CLVS1: variants seen among roughly 807,000 people sequenced by gnomAD.
CLVS1 encodes the protein clavesin 1.
Under a neutral mutation model 33.1 loss-of-function variants are expected in CLVS1, and 10 were observed. The observed-to-expected ratio is 0.30, with a 90% CI of 0.19 to 0.51. The LOEUF (loss-of-function observed/expected upper bound fraction) is 0.51. CLVS1 is among the 20% of genes least tolerant of loss of function. The pLI is 0.97. For missense variants in CLVS1, 343 were observed against 433.4 expected, an observed-to-expected ratio of 0.79 and a Z score of 1.85; for synonymous variants, 163 against 166.1, an observed-to-expected ratio of 0.98 and a Z score of 0.14.
Position 61,500,662 on chromosome 8 carries a change from A to G in CLVS1, c.*1120A>G, listed in dbSNP as rs1275708635. On this transcript the variant is annotated 3_prime_UTR_variant, in exon 6 of 6. Coordinates refer to ENST00000325897, the MANE Select transcript of CLVS1 (RefSeq NM_173519.3). ...AAAATAAACAGACATCATATATGAT[A>G]TCCTTACTTGTGCCATGTTTTCCAA... 6.6e-6 allele frequency: 1 copy of G among 152,190 alleles called. No homozygotes were observed. The highest frequency in any genetic ancestry group is 2.4e-5 in the African/African-American group (1 of 41,438). The allele number at this position is 152,190 out of a possible 1,614,324, so 9.4% of individuals were successfully genotyped here.
chr8:61,300,425 T>C, intron 2 of CLVS1, 143 bp downstream of exon 2: 1 of 707,588 alleles, frequency 1.4e-6, no homozygotes, highest in Non-Finnish European at 2.3e-6. Flanking sequence ...AGGCCACAGG[T>C]GTGCTGTCTT....
intron 2 of CLVS1, among the ~76,000 whole-genome samples, chr8:61,144,050 T>C (rs1462728101): frequency 6.9e-6 from 1 of 144,324 alleles, no homozygotes; most frequent in Non-Finnish European, 1.5e-5. Flanking sequence ...CTTTATTGTA[T>C]ATATATACAT....
At chr8:61,313,653 G>T (rs776087221) in intron 2 of CLVS1, among the ~76,000 whole-genome samples, 3 of 152,162 alleles carry the variant, frequency 2.0e-5, no homozygotes, top group Non-Finnish European at 4.4e-5. Context: ...TGAGTACAGT[G>T]CAGGGGGCAG....
chr8:61,132,085 T>C lies in CLVS1; in HGVS notation c.-152+225T>C, dbSNP rs188213131. 2.6e-4 allele frequency among the ~76,000 whole-genome samples: 39 copies of C among 152,328 alleles called. No individual in the cohort carries two copies. The East Asian group carries it at 7.1e-3, about 28-fold the overall frequency. On this transcript the variant is annotated intron_variant, in intron 2 of 2. Coordinates refer to the CLVS1 transcript ENST00000522621. ...GCCACGGTACATGGACACTCACACATAAAAGTCTTAAAGGCTGGTACCTCT... is the reference window on the plus strand; with the variant it reads ...GCCACGGTACATGGACACTCACACACAAAAGTCTTAAAGGCTGGTACCTCT...
At chr8:61,376,960 A>G in intron 3 of CLVS1, 181 bp downstream of exon 3, 1 of 520,002 alleles carries the variant, frequency 1.9e-6, no homozygotes, top group Non-Finnish European at 3.3e-6. Flanking sequence ...ATTAACTTTC[A>G]TTTTCATTAA....
intron 2 of CLVS1, among the ~76,000 whole-genome samples, chr8:61,360,617 T>C (rs1378918905): frequency 7.2e-5 from 11 of 152,224 alleles, no homozygotes; most frequent in African/African-American, 2.7e-4. Context: ...AAGAAGTTTC[T>C]GTTTTGTTAG....
chr8:61,114,583 A>T (rs1805684290), intron 1 of CLVS1, among the ~76,000 whole-genome samples: 2 of 152,142 alleles, frequency 1.3e-5, no homozygotes, highest in South Asian at 4.1e-4. Context: ...GCTACACTAC[A>T]TTTCTTCCCC....
chr8:61,213,986 C>T (rs780537085), intron 2 of CLVS1, among the ~76,000 whole-genome samples: 2 of 152,126 alleles, frequency 1.3e-5, no homozygotes, highest in Non-Finnish European at 2.9e-5. Context: ...CCCCCCCACT[C>T]AAGGTGTGCC....
rs574956617 is a variant in CLVS1 at position 61,187,599 on chromosome 8, A to G, written c.-152+55739A>G. ...AGTTTGACAGTTTGCCCAGAAGGCC[A>G]GGATTTTGAACCCTGCTTCTCTCCT... is the stretch of plus-strand genomic sequence containing the variant. On this transcript the variant is annotated intron_variant, in intron 2 of 2. Coordinates refer to the CLVS1 transcript ENST00000522621. Among the ~76,000 whole-genome samples, 17 of 151,762 alleles carry G rather than the reference A, an allele frequency of 1.1e-4. No homozygotes were observed. In the South Asian group the frequency reaches 1.7e-3, roughly 15 times the overall value.
intron 2 of CLVS1, among the ~76,000 whole-genome samples, chr8:61,365,335 T>A (rs1007214092): frequency 1.3e-5 from 2 of 152,122 alleles, no homozygotes; most frequent in Non-Finnish European, 2.9e-5. Flanking sequence ...GAGATCAGCC[T>A]GGCCAACATG....
At chr8:61,201,981 G>A (rs1225172420) in intron 2 of CLVS1, among the ~76,000 whole-genome samples, 2 of 152,166 alleles carry the variant, frequency 1.3e-5, no homozygotes, top group African/African-American at 4.8e-5. Context: ...GCTGGAATGG[G>A]ATCTAACATT....
intron 2 of CLVS1, among the ~76,000 whole-genome samples, chr8:61,356,682 C>T (rs1248488527): frequency 6.6e-6 from 1 of 152,140 alleles, no homozygotes; most frequent in East Asian, 1.9e-4. Context: ...ATCCTTTCCC[C>T]ATTGTTTGTT....
At chr8:61,403,270 C>T (rs947346057) in intron 3 of CLVS1, among the ~76,000 whole-genome samples, 4 of 152,010 alleles carry the variant, frequency 2.6e-5, no homozygotes, top group African/African-American at 4.8e-5. Flanking sequence ...CTGGGAATAG[C>T]GGTATGGGAT....
chr8:61,411,598 C>T (rs1292995970), intron 3 of CLVS1, among the ~76,000 whole-genome samples: 1 of 152,152 alleles, frequency 6.6e-6, no homozygotes, highest in Admixed American at 6.5e-5. Flanking sequence ...TTTTAAGAAC[C>T]TCAGGCACTG....
intron 3 of CLVS1, among the ~76,000 whole-genome samples, chr8:61,453,499 C>T (rs1434749085): frequency 6.6e-6 from 1 of 152,212 alleles, no homozygotes; most frequent in Admixed American, 6.5e-5. Flanking sequence ...AATCAGCTAG[C>T]CCATTAATCA....
At chr8:61,175,482 T>C (rs1431882089) in intron 2 of CLVS1, among the ~76,000 whole-genome samples, 6 of 152,232 alleles carry the variant, frequency 3.9e-5, no homozygotes, top group Admixed American at 3.9e-4. Flanking sequence ...TATTTTGTTA[T>C]AGAAGCCTGA....
intron 5 of CLVS1, among the ~76,000 whole-genome samples, chr8:61,473,369 A>G (rs572976792): frequency 5.7e-4 from 86 of 150,266 alleles, no homozygotes; most frequent in Non-Finnish European, 1.2e-3. Context: ...AAAAAAGACC[A>G]GAAACATTGG....
intron 2 of CLVS1, among the ~76,000 whole-genome samples, chr8:61,262,209 TCTCA>T (rs1291937494): frequency 2.0e-5 from 3 of 151,682 alleles, no homozygotes; most frequent in Admixed American, 2.0e-4. Flanking sequence ...TCAGATGGGG[TCTCA>T]CTGTGTTGCC....
chr8:61,387,138 A>T (rs557262642), intron 3 of CLVS1, among the ~76,000 whole-genome samples: 4 of 152,328 alleles, frequency 2.6e-5, no homozygotes, highest in Admixed American at 6.5e-5. Context: ...CTATAATCCT[A>T]GCACTTTGGG....
Sources: gnomAD v4.1 joint callset for allele counts (sites outside exome capture counted in the v4.1 genomes callset) on GRCh38, gnomAD v4.1.1 for gene constraint, MANE v1.5 for transcripts, NCBI Gene and HGNC (gene_info 2026-07-23, HGNC 2026-07-21) for gene names.